ARHGEF6: variants seen among roughly 807,000 people sequenced by gnomAD.
The protein encoded by ARHGEF6 is rho guanine nucleotide exchange factor 6.
ARHGEF6 carries 9 observed loss-of-function variants against 70.3 expected under a neutral mutation model. The ratio of observed to expected loss-of-function variants is 0.13; its 90% CI spans 0.08 to 0.22. The LOEUF (loss-of-function observed/expected upper bound fraction) is 0.22. Ranked by LOEUF, ARHGEF6 falls within the 10% of genes least tolerant of loss-of-function variation. The pLI is 1.00. For missense variants in ARHGEF6, 470 were observed against 563.0 expected, an observed-to-expected ratio of 0.83 and a Z score of 1.67; for synonymous variants, 201 against 207.8, an observed-to-expected ratio of 0.97 and a Z score of 0.28.
Position 136,732,128 on chromosome X carries a change from G to A in ARHGEF6, c.706C>T (p.Pro236Ser). ...PKAVKGFETAPLTKNYYTVVL... is the reference protein window; with the variant it reads ...PKAVKGFETASLTKNYYTVVL... ...ACAGTATAATAATTCTTGGTAAGTGGAGCAGTTTCAAATCCTTTGACGGCT... is the reference window on the plus strand; with the variant it reads ...ACAGTATAATAATTCTTGGTAAGTGAAGCAGTTTCAAATCCTTTGACGGCT... Residue 236 changes from proline to serine, a missense_variant, in exon 6 of 22, where the codon CCA becomes TCA. Coordinates refer to ENST00000250617, the MANE Select transcript of ARHGEF6 (RefSeq NM_004840.3). 2.5e-6 allele frequency: 3 copies of A among 1,208,187 alleles called. No homozygotes were observed. Among genetic ancestry groups the A allele is most frequent in the Non-Finnish European group, 3.4e-6 (3 of 892,983 alleles).
intron 8 of ARHGEF6, 89 bp downstream of exon 8, chrX:136,708,586 G>A (rs1405255479): frequency 2.7e-6 from 2 of 748,853 alleles, no homozygotes; most frequent in African/African-American, 4.2e-5. Context: ...TAACTATGAA[G>A]TGTCCTTATC....
intron 6 of ARHGEF6, among the ~76,000 whole-genome samples, chrX:136,718,892 T>C (rs1289816415): frequency 9.2e-6 from 1 of 108,219 alleles, no homozygotes; most frequent in Non-Finnish European, 1.9e-5. Flanking sequence ...GAAGTAGCTA[T>C]ATAAAAGGCC....
chrX:136,669,511 A>G lies in ARHGEF6; in HGVS notation c.2161T>C (p.Leu721=). The G allele has an allele frequency of 8.3e-7, 1 of 1,209,267 alleles. No homozygotes were observed. Among genetic ancestry groups the G allele is most frequent in the Non-Finnish European group, 1.1e-6 (1 of 893,106 alleles). The part of the protein sequence containing the change: ...EKSLVDTVYA[L]KDEVRELKQE... ...TTCAGTTCTCTGACCTCGTCCTTCA[A>G]GGCGTAAACAGTATCAACAAGGCTC... Residue 721 remains leucine, a synonymous_variant, in exon 21 of 22, where the codon TTG becomes CTG. Coordinates refer to ENST00000250617, the MANE Select transcript of ARHGEF6 (RefSeq NM_004840.3).
rs773620429 is a variant in ARHGEF6 at position 136,745,226 on chromosome X, T to C, written c.456A>G (p.Thr152=). 8.3e-7 allele frequency: 1 copy of C among 1,211,951 alleles called. No homozygotes were observed. Among genetic ancestry groups the C allele is most frequent in the Non-Finnish European group, 1.1e-6 (1 of 895,495 alleles). The stretch of plus-strand genomic sequence containing the variant: ...GAGAATTGGGGACTATACTTACCAC[T>C]GTCTTTGACTGCCTTTGCAGCCCTG... ...TVSGLQRQSK[T]VEMTENGSHQ... Residue 152 remains threonine, a synonymous_variant, in exon 4 of 22, where the codon ACA becomes ACG. Coordinates refer to ENST00000250617, the MANE Select transcript of ARHGEF6 (RefSeq NM_004840.3).
chrX:136,730,137 T>C (rs1205387977), intron 6 of ARHGEF6, among the ~76,000 whole-genome samples: 4 of 111,144 alleles, frequency 3.6e-5, no homozygotes, highest in Non-Finnish European at 7.5e-5. Flanking sequence ...ATTTTTTTAA[T>C]GAAGTAAAAA....
intron 6 of ARHGEF6, among the ~76,000 whole-genome samples, chrX:136,729,854 A>G (rs2076917683): frequency 9.0e-6 from 1 of 110,586 alleles, no homozygotes; most frequent in African/African-American, 3.3e-5. Flanking sequence ...CTTTATGAAA[A>G]AGAAAGAATA....
At chrX:136,703,506 T>C (rs2076595995) in intron 9 of ARHGEF6, among the ~76,000 whole-genome samples, 1 of 112,374 alleles carries the variant, frequency 8.9e-6, no homozygotes, top group African/African-American at 3.2e-5. Flanking sequence ...TGGTAATTCT[T>C]ACAATACTCC....
chrX:136,779,929 C>G (rs1395140412), intron 1 of ARHGEF6, among the ~76,000 whole-genome samples: 1 of 112,210 alleles, frequency 8.9e-6, no homozygotes, highest in Non-Finnish European at 1.9e-5. Flanking sequence ...TATTTAATCA[C>G]TCTTTCTCAA....
At chrX:136,712,211 C>T (rs1016190632) in intron 7 of ARHGEF6, among the ~76,000 whole-genome samples, 6 of 111,579 alleles carry the variant, frequency 5.4e-5, no homozygotes, top group African/African-American at 2.0e-4. Flanking sequence ...CAGGCTCAAG[C>T]GATTCTCCTG....
At chrX:136,698,027 C>T (rs930838917) in intron 9 of ARHGEF6, among the ~76,000 whole-genome samples, 2 of 111,647 alleles carry the variant, frequency 1.8e-5, no homozygotes, top group African/African-American at 6.5e-5. Flanking sequence ...TGTCTCACCA[C>T]ATAGAGAACA....
chrX:136,773,677 C>T (rs776501543), intron 2 of ARHGEF6, among the ~76,000 whole-genome samples: 4 of 112,069 alleles, frequency 3.6e-5, no homozygotes, highest in Non-Finnish European at 7.5e-5. Context: ...GATGTATTAT[C>T]TCATTTGATC....
At chrX:136,670,928 G>C (rs989233166) in intron 20 of ARHGEF6, among the ~76,000 whole-genome samples, 1 of 111,785 alleles carries the variant, frequency 8.9e-6, no homozygotes, top group Non-Finnish European at 1.9e-5. Flanking sequence ...TTTTGGTTCT[G>C]ATCCTGCCAC....
At chrX:136,713,159 A>G in intron 7 of ARHGEF6, 117 bp downstream of exon 7, 6 of 613,074 alleles carry the variant, frequency 9.8e-6, no homozygotes, top group Non-Finnish European at 1.1e-5. Flanking sequence ...GCAACCTGTG[A>G]TCTGTGGAAA....
At chrX:136,736,502 A>G (rs2076986454) in intron 5 of ARHGEF6, among the ~76,000 whole-genome samples, 1 of 111,373 alleles carries the variant, frequency 9.0e-6, no homozygotes, top group African/African-American at 3.3e-5. Context: ...AGAATTGGTG[A>G]CAATGGCTTC....
rs1319174800 is a variant in ARHGEF6 at position 136,678,062 on chromosome X, G to A, written c.1831-106C>T. On this transcript the variant is annotated intron_variant, in intron 16 of 21. Transcript: ENST00000250617. ...CTAAAACAACATTTGAAATGTTAGTGTTATCATAAATTACACAGAGGGAAT... is the reference window on the plus strand; with the variant it reads ...CTAAAACAACATTTGAAATGTTAGTATTATCATAAATTACACAGAGGGAAT... 5.5e-6 allele frequency: 4 copies of A among 729,027 alleles called. No homozygotes were observed. The South Asian group carries it at 6.8e-5, about 12-fold the overall frequency. 60.1% of individuals were successfully genotyped at this position (729,027 alleles called of 1,213,427 possible). A position where few individuals can be genotyped will look rare whatever the true frequency, so the allele number is the denominator to read the frequency against.
intron 5 of ARHGEF6, among the ~76,000 whole-genome samples, chrX:136,742,334 A>G (rs1164197990): frequency 9.0e-6 from 1 of 110,950 alleles, no homozygotes; most frequent in African/African-American, 3.3e-5. Flanking sequence ...AACAACAACA[A>G]AAAAAAATAG....
At chrX:136,766,487 TAAGAA>T (rs1323187351) in intron 2 of ARHGEF6, among the ~76,000 whole-genome samples, 1 of 111,248 alleles carries the variant, frequency 9.0e-6, no homozygotes, top group Non-Finnish European at 1.9e-5. Flanking sequence ...CACTACACAT[TAAGAA>T]AAGGGAAAAA....
intron 5 of ARHGEF6, among the ~76,000 whole-genome samples, chrX:136,740,307 C>T (rs1437951039): frequency 9.0e-6 from 1 of 111,454 alleles, no homozygotes; most frequent in African/African-American, 3.3e-5. Context: ...CCGTGCCCGG[C>T]CCCAAGTTAC....
chrX:136,684,283 C>T (rs1283461966), intron 12 of ARHGEF6, among the ~76,000 whole-genome samples: 1 of 112,455 alleles, frequency 8.9e-6, no homozygotes, highest in Non-Finnish European at 1.9e-5. Context: ...ACTGATTCCT[C>T]CTGCCTTCAC....
Sources: gnomAD v4.1 joint callset for allele counts (sites outside exome capture counted in the v4.1 genomes callset) on GRCh38, gnomAD v4.1.1 for gene constraint, MANE v1.5 for transcripts, NCBI Gene and HGNC (gene_info 2026-07-23, HGNC 2026-07-21) for gene names.